The following RNF185 variants were observed in gnomAD, a reference collection of about 807,000 sequenced individuals.
RNF185 encodes ring finger protein 185, also known as E3 ubiquitin-protein ligase RNF185.
A neutral mutation model predicts 24.9 loss-of-function variants in RNF185; 13 were observed. The observed-to-expected ratio is 0.52, with a 90% CI of 0.34 to 0.83. RNF185 has a LOEUF of 0.83. Ranked by LOEUF, RNF185 falls within the 40% of genes least tolerant of loss-of-function variation. The pLI, the probability that RNF185 is intolerant of heterozygous loss-of-function variation, is 0.01. For synonymous variants in RNF185, 79 were observed against 90.3 expected, an observed-to-expected ratio of 0.88 and a Z score of 0.71; for missense variants, 184 against 244.7, an observed-to-expected ratio of 0.75 and a Z score of 1.65.
chr22:31,202,607 C>CT (rs71202049), intron 6 of RNF185, among the ~76,000 whole-genome samples: 3,827 of 83,652 alleles, frequency 0.046, 174 homozygotes, highest in Admixed American at 0.075. Flanking sequence ...TTGGGAATGC[C>CT]TTTTTTTTTT....
chr22:31,169,550 T>C (rs979013450), intron 1 of RNF185, among the ~76,000 whole-genome samples: 14 of 152,032 alleles, frequency 9.2e-5, no homozygotes, highest in Admixed American at 3.9e-4. Flanking sequence ...TCTCTTTTTT[T>C]AATTTTTAGT....
intron 5 of RNF185, among the ~76,000 whole-genome samples, chr22:31,199,448 C>G (rs2048240196): frequency 6.6e-6 from 1 of 152,136 alleles, no homozygotes; most frequent in Non-Finnish European, 1.5e-5. Flanking sequence ...AATCAGAGGC[C>G]CCCAGAAGCC....
At chr22:31,160,568 C>G (rs1923503104) in intron 1 of RNF185, among the ~76,000 whole-genome samples, 1 of 152,158 alleles carries the variant, frequency 6.6e-6, no homozygotes, top group Non-Finnish European at 1.5e-5. Flanking sequence ...GCACTGATTC[C>G]CATTCTATCC....
chr22:31,166,570 C>CTTT (rs1923932679), intron 1 of RNF185, among the ~76,000 whole-genome samples: 1 of 151,118 alleles, frequency 6.6e-6, no homozygotes, highest in Non-Finnish European at 1.5e-5. Context: ...TCTTCTTCTT[C>CTTT]TTCTTCTTCT....
chr22:31,189,159 G>GTGTGTGTGTGTA (rs2048129936), intron 2 of RNF185, among the ~76,000 whole-genome samples: 5 of 147,910 alleles, frequency 3.4e-5, no homozygotes, highest in Non-Finnish European at 7.4e-5. Context: ...GTGTGTGTGT[G>GTGTGTGTGTGTA]TGTGTTTGTG....
chr22:31,197,811 G>A (rs1452050967), intron 5 of RNF185, among the ~76,000 whole-genome samples: 2 of 151,928 alleles, frequency 1.3e-5, no homozygotes, highest in Non-Finnish European at 2.9e-5. Flanking sequence ...TCTAACTCCT[G>A]GGCTCAAGCA....
intron 1 of RNF185, among the ~76,000 whole-genome samples, chr22:31,178,610 G>T (rs894242532): frequency 6.6e-6 from 1 of 152,152 alleles, no homozygotes; most frequent in Non-Finnish European, 1.5e-5. Flanking sequence ...GTTTGATGGA[G>T]CCCCTTGTTT....
chr22:31,195,228 C>T (rs2048194132), intron 3 of RNF185, among the ~76,000 whole-genome samples: 1 of 152,328 alleles, frequency 6.6e-6, no homozygotes, highest in East Asian at 1.9e-4. Context: ...GCTGGGATTA[C>T]AGGCATGAGC....
At chr22:31,174,950 G>A (rs1302510025) in intron 1 of RNF185, among the ~76,000 whole-genome samples, 1 of 151,936 alleles carries the variant, frequency 6.6e-6, no homozygotes, top group Admixed American at 6.6e-5. Flanking sequence ...GCGGGTGCCT[G>A]TAATCCTAGC....
intron 1 of RNF185, among the ~76,000 whole-genome samples, chr22:31,168,917 A>AT (rs1043056986): frequency 4.0e-5 from 6 of 151,636 alleles, no homozygotes; most frequent in African/African-American, 9.7e-5. Context: ...CCCTTTAAAA[A>AT]TTTTTTTTGA....
rs184858427 is a variant in RNF185, at chr22:31,185,877, T to C, written c.-48-1170T>C. On this transcript the variant is annotated intron_variant, in intron 1 of 6. Transcript: ENST00000326132. ...TTATACCAGCATTTAGTGGCCAGTT[T>C]AGTATGTAGTGGTACGGTGCAAACA... Among the ~76,000 whole-genome samples, 6 of 152,224 alleles carry C rather than the reference T, an allele frequency of 3.9e-5. No individual in the cohort carries two copies. In the East Asian group the frequency reaches 1.2e-3, roughly 29 times the overall value.
chr22:31,164,086 A>T (rs1923759140), intron 1 of RNF185, among the ~76,000 whole-genome samples: 1 of 151,918 alleles, frequency 6.6e-6, no homozygotes, highest in Non-Finnish European at 1.5e-5. Flanking sequence ...GGTTCAAGCG[A>T]TTCTCCTGCC....
chr22:31,182,021 T>A (rs2048042362), intron 1 of RNF185, among the ~76,000 whole-genome samples: 1 of 148,806 alleles, frequency 6.7e-6, no homozygotes, highest in Non-Finnish European at 1.5e-5. Flanking sequence ...TATATATATT[T>A]AAAAAAATGT....
intron 1 of RNF185, among the ~76,000 whole-genome samples, chr22:31,184,767 C>G (rs1307199308): frequency 6.6e-6 from 1 of 152,124 alleles, no homozygotes; most frequent in Admixed American, 6.5e-5. Context: ...ATATGAAAAC[C>G]AGTCAGGTGT....
At chr22:31,178,961 G>A (rs538625628) in intron 1 of RNF185, among the ~76,000 whole-genome samples, 3 of 152,186 alleles carry the variant, frequency 2.0e-5, no homozygotes, top group African/African-American at 4.8e-5. Flanking sequence ...TTGGCATTGC[G>A]TGGTGTCCTG....
At chr22:31,193,925 T>A (rs1419717422) in intron 3 of RNF185, among the ~76,000 whole-genome samples, 1 of 150,890 alleles carries the variant, frequency 6.6e-6, no homozygotes, top group Non-Finnish European at 1.5e-5. Flanking sequence ...GACAGTCTCA[T>A]TCTGTCGCCC....
chr22:31,195,141 C>T (rs1287933418), intron 3 of RNF185, among the ~76,000 whole-genome samples: 2 of 151,976 alleles, frequency 1.3e-5, no homozygotes, highest in Non-Finnish European at 2.9e-5. Context: ...TTAGTAGAGA[C>T]GGGGTTTCAC....
intron 6 of RNF185, among the ~76,000 whole-genome samples, chr22:31,203,912 G>T (rs1446688306): frequency 6.6e-6 from 1 of 151,458 alleles, no homozygotes; most frequent in South Asian, 2.1e-4. Flanking sequence ...GTGGTGGTGC[G>T]TGCCTGTAAT....
chr22:31,206,318 C>T lies in RNF185; in HGVS notation c.*1732C>T, dbSNP rs904041331. The T allele has an allele frequency of 2.0e-5, 3 of 152,508 alleles. No homozygotes were observed. Among genetic ancestry groups the T allele is most frequent in the African/African-American group, 7.2e-5 (3 of 41,390 alleles). The allele number at this position is 152,508 out of a possible 1,614,324, so 9.4% of individuals were successfully genotyped here. A position where few individuals can be genotyped will look rare whatever the true frequency, so the allele number is the denominator to read the frequency against. Reference sequence around the variant, plus strand: ...CCGAATCCACTTGGTAGGAAGAAACCACCAGCTTTATAGTGTGCCTGATAG... The same window carrying T: ...CCGAATCCACTTGGTAGGAAGAAACTACCAGCTTTATAGTGTGCCTGATAG... On this transcript the variant is annotated 3_prime_UTR_variant, in exon 7 of 7. Coordinates refer to ENST00000326132, the MANE Select transcript of RNF185 (RefSeq NM_152267.4).
Sources: gnomAD v4.1 joint callset for allele counts (sites outside exome capture counted in the v4.1 genomes callset) on GRCh38, gnomAD v4.1.1 for gene constraint, MANE v1.5 for transcripts, NCBI Gene and HGNC (gene_info 2026-07-23, HGNC 2026-07-21) for gene names.